The following KBTBD11 variants were observed in gnomAD, a reference collection of about 807,000 sequenced individuals.
The protein encoded by KBTBD11 is kelch repeat and BTB domain containing 11.
For missense variants in KBTBD11, 1,390 were observed against 1,001.8 expected (o/e 1.39, Z -5.23); for synonymous variants, 747 against 499.0 (o/e 1.50, Z -6.63).
intron 1 of KBTBD11, among the ~76,000 whole-genome samples, chr8:1,979,327 T>A (rs1206586080): frequency 6.6e-6 from 1 of 152,224 alleles, no homozygotes; most frequent in African/African-American, 2.4e-5. Flanking sequence ...ATGTTAATCA[T>A]GTCTTTAAAA....
chr8:1,987,027 A>G (rs944125697), intron 1 of KBTBD11, among the ~76,000 whole-genome samples: 3 of 144,040 alleles, frequency 2.1e-5, no homozygotes, highest in Non-Finnish European at 4.7e-5. Flanking sequence ...AAAAAAAAAA[A>G]AAAAAACCAC....
chr8:1,984,742 G>C (rs1234196159), intron 1 of KBTBD11, among the ~76,000 whole-genome samples: 13 of 152,086 alleles, frequency 8.5e-5, no homozygotes, highest in Non-Finnish European at 1.5e-5. Context: ...GCAGACTTTT[G>C]AAACAAACTG....
Position 1,973,730 on chromosome 8 carries a change from CCT to C in KBTBD11, c.-1113_-1112del. 3 of 983,826 alleles carry C rather than the reference CCT, an allele frequency of 3.0e-6. No homozygotes were observed. The highest frequency in any genetic ancestry group is 3.6e-6 in the Non-Finnish European group (3 of 829,348). The allele number at this position is 983,826 out of a possible 1,614,324, so 60.9% of individuals were successfully genotyped here. A position where few individuals can be genotyped will look rare whatever the true frequency, so the allele number is the denominator to read the frequency against. On this transcript the variant is annotated 5_prime_UTR_variant, in exon 1 of 2. Transcript: ENST00000320248. ...GAGCCGGAGCGCTGGCTCCGCGCGG[CCT>C]GGAGAGGCGGAGAGGCCTGTCCACC... is the stretch of plus-strand genomic sequence containing the variant.
intron 1 of KBTBD11, chr8:1,976,204 A>T (rs555502757): frequency 5.3e-5 from 8 of 152,148 alleles, no homozygotes; most frequent in Non-Finnish European, 1.0e-4. Flanking sequence ...GTCATTCAGC[A>T]TGTGTTCCCT....
At chr8:1,977,395 A>C (rs979773740) in intron 1 of KBTBD11, among the ~76,000 whole-genome samples, 1 of 152,200 alleles carries the variant, frequency 6.6e-6, no homozygotes, top group African/African-American at 2.4e-5. Flanking sequence ...GTGTGGTTCT[A>C]TGAAGTGTAC....
intron 1 of KBTBD11, among the ~76,000 whole-genome samples, chr8:1,991,671 T>C (rs1816923628): frequency 1.3e-5 from 2 of 152,174 alleles, no homozygotes; most frequent in African/African-American, 4.8e-5. Flanking sequence ...AGCTGTGACC[T>C]GCCCAGCCAG....
At position 2,002,776 on chromosome 8, in the gene KBTBD11, C is replaced by G; in HGVS notation, c.1584C>G (p.His528Gln). The change falls in exon 2 of 2, where the codon CAC becomes CAG. Residue 528 changes from histidine (H) to glutamine (Q), a missense_variant. Transcript: ENST00000320248. This position sits in a 1 kb window ranked among gnomAD's most constrained non-coding sequence, Gnocchi z 4.1. ...GPSGVSVSRY[H>Q]CLAKQWSPCV... ...GCGGGGTCAGCGTGTCCCGATACCA[C>G]TGCCTGGCCAAGCAGTGGAGCCCGT... 6.8e-7 allele frequency: 1 copy of G among 1,472,422 alleles called. No individual in the cohort carries two copies. The highest frequency in any genetic ancestry group is 8.9e-7 in the Non-Finnish European group (1 of 1,119,714). The allele number at this position is 1,472,422 out of a possible 1,614,324, so 91.2% of individuals were successfully genotyped here.
At position 1,973,759 on chromosome 8, in the gene KBTBD11, C is replaced by A. The variant is rs1816202506; in HGVS notation, c.-1085C>A. 7 of 983,812 alleles carry A rather than the reference C, an allele frequency of 7.1e-6. No homozygotes were observed. The highest frequency in any genetic ancestry group is 5.2e-4 in the Middle Eastern group (1 of 1,912). The allele number at this position is 983,812 out of a possible 1,614,324, so 60.9% of individuals were successfully genotyped here. Reference sequence around the variant, plus strand: ...GAGAGGCGGAGAGGCCTGTCCACCGCCCCCTCTGCCGCCCACGCCCCGCTG... The same window carrying A: ...GAGAGGCGGAGAGGCCTGTCCACCGACCCCTCTGCCGCCCACGCCCCGCTG... On this transcript the variant is annotated 5_prime_UTR_variant, in exon 1 of 2. Coordinates refer to ENST00000320248, the MANE Select transcript of KBTBD11 (RefSeq NM_014867.3).
chr8:1,987,389 T>C (rs571387433), intron 1 of KBTBD11, among the ~76,000 whole-genome samples: 1 of 152,280 alleles, frequency 6.6e-6, no homozygotes, highest in East Asian at 1.9e-4. Context: ...GCTCAATCAA[T>C]CCTTTTTTGT....
At chr8:1,980,435 C>T (rs1816501992) in intron 1 of KBTBD11, among the ~76,000 whole-genome samples, 2 of 152,130 alleles carry the variant, frequency 1.3e-5, no homozygotes, top group African/African-American at 2.4e-5. Flanking sequence ...CCATGTTGGC[C>T]AGGATGGTCC....
At chr8:1,981,135 A>G (rs71518099) in intron 1 of KBTBD11, among the ~76,000 whole-genome samples, 146 of 152,198 alleles carry the variant, frequency 9.6e-4, no homozygotes, top group African/African-American at 2.1e-3. Context: ...AGGGTGATCT[A>G]TTCGAAGTGC....
At chr8:1,977,631 C>T (rs1043387650) in intron 1 of KBTBD11, among the ~76,000 whole-genome samples, 7 of 152,154 alleles carry the variant, frequency 4.6e-5, no homozygotes, top group Non-Finnish European at 8.8e-5. Context: ...TCAAGCAATT[C>T]TCATGTCTCA....
chr8:1,999,077 C>T (rs1817249686), intron 1 of KBTBD11, among the ~76,000 whole-genome samples: 2 of 152,200 alleles, frequency 1.3e-5, no homozygotes, highest in Non-Finnish European at 2.9e-5. Flanking sequence ...ATATTACATT[C>T]CCCAGGCATC....
At chr8:1,994,373 C>T (rs757535633) in intron 1 of KBTBD11, among the ~76,000 whole-genome samples, 2 of 152,206 alleles carry the variant, frequency 1.3e-5, no homozygotes, top group Non-Finnish European at 1.5e-5. Flanking sequence ...ACCGGCGACC[C>T]GCCTGAACAT....
In KBTBD11 at chr8:2,001,901, T is replaced by C. The variant is rs766011149; in HGVS notation, c.709T>C (p.Tyr237His). 1.4e-6 allele frequency: 2 copies of C among 1,434,590 alleles called. No homozygotes were observed. The highest frequency in any genetic ancestry group is 3.3e-5 in the East Asian group (1 of 30,668). 88.9% of individuals were successfully genotyped at this position (1,434,590 alleles called of 1,614,324 possible). A position where few individuals can be genotyped will look rare whatever the true frequency, so the allele number is the denominator to read the frequency against. ...VGPQLSLANC[Y>H]EVLSAAKRQR... ...GCCGCAGCTGAGCCTGGCCAACTGC[T>C]ACGAGGTCCTGAGCGCGGCCAAGCG... Residue 237 changes from tyrosine to histidine, a missense_variant, in exon 2 of 2, where the codon TAC (tyrosine) becomes CAC (histidine). Coordinates refer to ENST00000320248, the MANE Select transcript of KBTBD11 (RefSeq NM_014867.3).
Position 2,002,042 on chromosome 8 carries a change from C to T in KBTBD11, c.850C>T (p.Leu284=). 1 of 1,254,788 alleles carries T rather than the reference C, an allele frequency of 8.0e-7. No homozygotes were observed. Among genetic ancestry groups the T allele is most frequent in the Non-Finnish European group, 1.0e-6 (1 of 992,748 alleles). 77.7% of individuals were successfully genotyped at this position (1,254,788 alleles called of 1,614,324 possible). Residue 284 remains leucine, a synonymous_variant, in exon 2 of 2, where the codon CTG becomes TTG. Coordinates refer to ENST00000320248, the MANE Select transcript of KBTBD11 (RefSeq NM_014867.3). This position sits in a 1 kb window ranked among gnomAD's most constrained non-coding sequence, Gnocchi z 4.1. The part of the protein sequence containing the change: ...GRLSGAERDL[L]LRRRLRAGRA... ...CCTGTCGGGCGCAGAGCGGGACCTG[C>T]TGCTGCGCCGCCGCCTGCGCGCCGG...
intron 1 of KBTBD11, chr8:1,975,231 T>TAA (rs1222636817): frequency 4.6e-5 from 7 of 151,738 alleles, no homozygotes; most frequent in African/African-American, 1.7e-4. Context: ...TGTAATGAGG[T>TAA]AAAGCCTTTG....
chr8:1,991,740 G>A (rs1816926064), intron 1 of KBTBD11, among the ~76,000 whole-genome samples: 1 of 152,100 alleles, frequency 6.6e-6, no homozygotes, highest in South Asian at 2.1e-4. Flanking sequence ...CAGTGATGGA[G>A]TGGCAGAGAA....
chr8:1,987,856 A>AT (rs1816756226), intron 1 of KBTBD11, among the ~76,000 whole-genome samples: 1 of 151,760 alleles, frequency 6.6e-6, no homozygotes, highest in Admixed American at 6.6e-5. Flanking sequence ...TACATTAGGT[A>AT]TTTCTCCTAA....
Sources: gnomAD v4.1 joint callset for allele counts (sites outside exome capture counted in the v4.1 genomes callset) on GRCh38, gnomAD v4.1.1 for gene constraint, Gnocchi (gnomAD v3.1) non-coding constraint, MANE v1.5 for transcripts, NCBI Gene and HGNC (gene_info 2026-07-23, HGNC 2026-07-21) for gene names.